CCDC85C: variants seen among roughly 807,000 people sequenced by gnomAD.
CCDC85C encodes coiled-coil domain-containing protein 85C.
CCDC85C carries 18 observed loss-of-function variants against 38.3 expected under a neutral mutation model. The ratio of observed to expected loss-of-function variants is 0.47; its 90% CI spans 0.33 to 0.70. CCDC85C has a LOEUF of 0.70. Ranked by LOEUF, CCDC85C falls within the 30% of genes least tolerant of loss-of-function variation. The pLI is 0.03. For missense variants in CCDC85C, 566 were observed against 621.2 expected (o/e 0.91, Z 0.94); for synonymous variants, 264 against 293.8 (o/e 0.90, Z 1.04).
intron 1 of CCDC85C, among the ~76,000 whole-genome samples, chr14:99,549,639 C>T (rs1897870908): frequency 6.6e-6 from 1 of 152,224 alleles, no homozygotes; most frequent in African/African-American, 2.4e-5. Flanking sequence ...CTGCGAGACA[C>T]TGTCCCCGAA....
In CCDC85C at chr14:99,522,316, A is replaced by C. The variant is rs1475387566; in HGVS notation, c.868-76T>G. The C allele has an allele frequency of 3.3e-5, 38 of 1,140,778 alleles. No individual in the cohort carries two copies. In the East Asian group the frequency reaches 7.8e-4, roughly 24 times the overall value. The allele number at this position is 1,140,778 out of a possible 1,614,324, so 70.7% of individuals were successfully genotyped here. A position where few individuals can be genotyped will look rare whatever the true frequency, so the allele number is the denominator to read the frequency against. Reference sequence around the variant, plus strand: ...ACAAGGGCCCTGGGCATGGCTCCTCACGGCAGCAGGGGCTGCTCAAAGGCA... The same window carrying C: ...ACAAGGGCCCTGGGCATGGCTCCTCCCGGCAGCAGGGGCTGCTCAAAGGCA... On this transcript the variant is annotated intron_variant, in intron 2 of 5. Coordinates refer to ENST00000380243, the MANE Select transcript of CCDC85C (RefSeq NM_001144995.2).
chr14:99,594,224 G>A (rs1404174265), intron 1 of CCDC85C, among the ~76,000 whole-genome samples: 1 of 152,134 alleles, frequency 6.6e-6, no homozygotes, highest in Non-Finnish European at 1.5e-5. Flanking sequence ...AGCAAGCAGA[G>A]GAACCTCGAG....
chr14:99,573,929 C>G (rs8022352), intron 1 of CCDC85C, among the ~76,000 whole-genome samples: 12,036 of 152,232 alleles, frequency 0.079, 780 homozygotes, highest in African/African-American at 0.18. Context: ...CACACCCTCC[C>G]TAGGTGCAAT....
chr14:99,561,708 C>G (rs1464259652), intron 1 of CCDC85C, among the ~76,000 whole-genome samples: 1 of 152,172 alleles, frequency 6.6e-6, no homozygotes, highest in Non-Finnish European at 1.5e-5. Flanking sequence ...ACCCAGGGCC[C>G]CAGCCTGGAG....
chr14:99,591,432 G>C (rs10144386), intron 1 of CCDC85C, among the ~76,000 whole-genome samples: 59,645 of 152,144 alleles, frequency 0.39, 11,866 homozygotes, highest in South Asian at 0.49. Context: ...TGCGGAGGCT[G>C]CCACGGCTCC....
At chr14:99,563,799 G>A (rs1898163662) in intron 1 of CCDC85C, among the ~76,000 whole-genome samples, 1 of 152,232 alleles carries the variant, frequency 6.6e-6, no homozygotes, top group Non-Finnish European at 1.5e-5. Flanking sequence ...TAGGCAGGAA[G>A]GAATAAATTC....
intron 1 of CCDC85C, among the ~76,000 whole-genome samples, chr14:99,594,101 A>G (rs2055118367): frequency 6.6e-6 from 1 of 152,054 alleles, no homozygotes; most frequent in Non-Finnish European, 1.5e-5. Context: ...CAGGTGGGCA[A>G]AGTGGGTCAA....
rs1898055132 is a variant in CCDC85C, at chr14:99,558,590, C to T, written c.794-22502G>A. Among the ~76,000 whole-genome samples, 1 of 152,138 alleles carries T rather than the reference C, an allele frequency of 6.6e-6. No individual in the cohort carries two copies. The highest frequency in any genetic ancestry group is 6.5e-5 in the Admixed American group (1 of 15,276). On this transcript the variant is annotated intron_variant, in intron 1 of 5. Transcript: ENST00000380243. This position sits in a 1 kb window ranked among gnomAD's most constrained non-coding sequence, Gnocchi z 4.2. Reference sequence around the variant, plus strand: ...GAGCCAAGATTGTGCCACTGCACTCCAGCCTGGAGATAGAGCGAGACTCTG... The same window carrying T: ...GAGCCAAGATTGTGCCACTGCACTCTAGCCTGGAGATAGAGCGAGACTCTG...
At chr14:99,550,367 G>A (rs1403199666) in intron 1 of CCDC85C, among the ~76,000 whole-genome samples, 1 of 152,222 alleles carries the variant, frequency 6.6e-6, no homozygotes, top group Non-Finnish European at 1.5e-5. Flanking sequence ...GATGGGGAAG[G>A]GGAGAAGCTG....
chr14:99,587,750 G>A (rs984923900), intron 1 of CCDC85C, among the ~76,000 whole-genome samples: 10 of 152,130 alleles, frequency 6.6e-5, no homozygotes, highest in Admixed American at 2.6e-4. Context: ...ACAGTCATGC[G>A]CCTGAGGACC....
rs2055110307 is a variant in CCDC85C at position 99,593,503 on chromosome 14, G to T, written c.793+9664C>A. On this transcript the variant is annotated intron_variant, in intron 1 of 5. Transcript: ENST00000380243. ...GCCTGGCAGCTGATTCGAGCTCCTGGGGCAGGGAGGTAGGGGTGCAAGCCA... is the reference window on the plus strand; with the variant it reads ...GCCTGGCAGCTGATTCGAGCTCCTGTGGCAGGGAGGTAGGGGTGCAAGCCA... Among the ~76,000 whole-genome samples, 5 of 152,368 alleles carry T rather than the reference G, an allele frequency of 3.3e-5. No homozygotes were observed. In the South Asian group the frequency reaches 1.0e-3, roughly 32 times the overall value.
rs956901035 is a variant in CCDC85C, at chr14:99,507,482, T to C, written c.*7764A>G. The C allele has an allele frequency of 1.4e-5, 4 of 280,680 alleles. No individual in the cohort carries two copies. The highest frequency in any genetic ancestry group is 6.5e-5 in the African/African-American group (3 of 46,032). The allele number at this position is 280,680 out of a possible 1,614,324, so 17.4% of individuals were successfully genotyped here. A position where few individuals can be genotyped will look rare whatever the true frequency, so the allele number is the denominator to read the frequency against. On this transcript the variant is annotated 3_prime_UTR_variant, in exon 6 of 6. Coordinates refer to ENST00000380243, the MANE Select transcript of CCDC85C (RefSeq NM_001144995.2). ...TAGGAGTCTGAGATGGGAAGATCAT[T>C]TGAGCCCTGGGCAGTCAAGGCTGCA... is the stretch of plus-strand genomic sequence containing the variant.
At chr14:99,595,365 G>T (rs2055132143) in intron 1 of CCDC85C, among the ~76,000 whole-genome samples, 1 of 152,168 alleles carries the variant, frequency 6.6e-6, no homozygotes, top group Non-Finnish European at 1.5e-5. Context: ...AGATTCTCCT[G>T]CCTACCAAAT....
intron 1 of CCDC85C, among the ~76,000 whole-genome samples, chr14:99,593,334 G>A (rs921514718): frequency 2.6e-5 from 4 of 152,252 alleles, no homozygotes; most frequent in Non-Finnish European, 4.4e-5. Context: ...TTTGGAAATG[G>A]GTCGACTCTT....
In CCDC85C at chr14:99,509,354, A is replaced by G. The variant is rs1897056446; in HGVS notation, c.*5892T>C. 1.3e-5 allele frequency: 2 copies of G among 152,238 alleles called. No homozygotes were observed. The highest frequency in any genetic ancestry group is 4.8e-5 in the African/African-American group (2 of 41,430). The allele number at this position is 152,238 out of a possible 1,614,324, so 9.4% of individuals were successfully genotyped here. ...GACGGTGACCCGGGATCACAGGCCAAAACATGTTAAATAAGGCTTTGGCAG... is the reference window on the plus strand; with the variant it reads ...GACGGTGACCCGGGATCACAGGCCAGAACATGTTAAATAAGGCTTTGGCAG... On this transcript the variant is annotated 3_prime_UTR_variant, in exon 6 of 6. Transcript: ENST00000380243.
At chr14:99,575,934 T>C (rs891227953) in intron 1 of CCDC85C, among the ~76,000 whole-genome samples, 6 of 152,140 alleles carry the variant, frequency 3.9e-5, no homozygotes, top group Non-Finnish European at 8.8e-5. Flanking sequence ...CCAAATCACC[T>C]ACCAGGCCAA....
At chr14:99,559,496 A>C (rs11160526) in intron 1 of CCDC85C, among the ~76,000 whole-genome samples, 64,383 of 151,710 alleles carry the variant, frequency 0.42, 15,060 homozygotes, top group African/African-American at 0.62. Context: ...TTCGTCACCC[A>C]CCACATTTGC....
chr14:99,537,790 C>A (rs1897632676), intron 1 of CCDC85C, among the ~76,000 whole-genome samples: 2 of 152,138 alleles, frequency 1.3e-5, no homozygotes, highest in Admixed American at 6.5e-5. Context: ...CTCTATCAAC[C>A]CCGACAAACA....
At position 99,528,655 on chromosome 14, in the gene CCDC85C, CAGAG is replaced by C. The variant is rs558935049; in HGVS notation, c.868-6419_868-6416del. Among the ~76,000 whole-genome samples the C allele has an allele frequency of 1.1e-4, 16 of 152,346 alleles. No individual in the cohort carries two copies. The South Asian group carries it at 3.3e-3, about 32-fold the overall frequency. On this transcript the variant is annotated intron_variant, in intron 2 of 5. Coordinates refer to ENST00000380243, the MANE Select transcript of CCDC85C (RefSeq NM_001144995.2). ...GAGGCACCCCAAGATCCCAGCAGCTCAGAGAGGCCAGGTGGGGGATGCACGCCCT... is the reference window on the plus strand; with the variant it reads ...GAGGCACCCCAAGATCCCAGCAGCTCAGGCCAGGTGGGGGATGCACGCCCT...
Sources: gnomAD v4.1 joint callset for allele counts (sites outside exome capture counted in the v4.1 genomes callset) on GRCh38, gnomAD v4.1.1 for gene constraint, Gnocchi (gnomAD v3.1) non-coding constraint, MANE v1.5 for transcripts, NCBI Gene and HGNC (gene_info 2026-07-23, HGNC 2026-07-21) for gene names.